DCC: variants seen among roughly 807,000 people sequenced by gnomAD.
DCC encodes the protein netrin receptor DCC.
DCC carries 58 observed loss-of-function variants against 172.5 expected under a neutral mutation model. The ratio of observed to expected loss-of-function variants is 0.34; its 90% CI spans 0.27 to 0.42. The LOEUF (loss-of-function observed/expected upper bound fraction) is 0.42. DCC is among the 10% of genes least tolerant of loss of function. DCC has a pLI of 1.00. For synonymous variants in DCC, 709 were observed against 644.5 expected (o/e 1.10, Z -1.52); for missense variants, 1,740 against 1,791.0 (o/e 0.97, Z 0.51).
chr18:52,904,792 A>C (rs1485409558), intron 2 of DCC, among the ~76,000 whole-genome samples: 1 of 152,202 alleles, frequency 6.6e-6, no homozygotes, highest in African/African-American at 2.4e-5. Context: ...CATAAAATTA[A>C]AACAATTCTG....
chr18:53,014,463 CG>C (rs2041778474), intron 5 of DCC, among the ~76,000 whole-genome samples: 1 of 111,902 alleles, frequency 8.9e-6, no homozygotes, highest in Admixed American at 1.3e-4. Flanking sequence ...CAACAGGCCC[CG>C]GTGTGTGATG....
intron 12 of DCC, among the ~76,000 whole-genome samples, chr18:53,226,948 A>ATATATATATATATATATTTT: frequency 3.8e-5 from 2 of 52,950 alleles, no homozygotes; most frequent in African/African-American, 1.9e-4. Flanking sequence ...ATATATATAT[A>ATATATATATATATATATTTT]TTTTTTTTTT....
chr18:52,879,450 G>A (rs1410434823), intron 2 of DCC, among the ~76,000 whole-genome samples: 1 of 38,672 alleles, frequency 2.6e-5, no homozygotes, highest in Non-Finnish European at 5.6e-5. Context: ...TTGAGATGGA[G>A]TTTCACTCTG....
At chr18:52,797,186 ATTG>A (rs1384213063) in intron 2 of DCC, among the ~76,000 whole-genome samples, 1 of 151,790 alleles carries the variant, frequency 6.6e-6, no homozygotes, top group African/African-American at 2.4e-5. Context: ...ATTTATTTGT[ATTG>A]TTGGTGTTTT....
At chr18:52,862,543 C>G (rs919050612) in intron 2 of DCC, among the ~76,000 whole-genome samples, 3 of 151,746 alleles carry the variant, frequency 2.0e-5, no homozygotes, top group Middle Eastern at 3.2e-3. Flanking sequence ...ACTAAAAATA[C>G]AAAAATTAGC....
At chr18:52,616,095 C>A (rs2034376476) in intron 1 of DCC, among the ~76,000 whole-genome samples, 1 of 152,104 alleles carries the variant, frequency 6.6e-6, no homozygotes, top group South Asian at 2.1e-4. Context: ...CTGTCAGAAT[C>A]AAGAAACTGA....
chr18:53,354,787 C>T (rs2057857868), intron 15 of DCC, among the ~76,000 whole-genome samples: 1 of 89,666 alleles, frequency 1.1e-5, no homozygotes, highest in Non-Finnish European at 2.5e-5. Flanking sequence ...TCAATTTTGG[C>T]TTTTGTTGCC....
chr18:52,576,151 A>G (rs2088040932), intron 1 of DCC, among the ~76,000 whole-genome samples: 2 of 152,230 alleles, frequency 1.3e-5, no homozygotes, highest in African/African-American at 4.8e-5. Context: ...GAAAAGAGAA[A>G]AGATACCGGA....
At chr18:53,280,053 A>G (rs914544058) in intron 12 of DCC, among the ~76,000 whole-genome samples, 1 of 152,118 alleles carries the variant, frequency 6.6e-6, no homozygotes, top group African/African-American at 2.4e-5. Context: ...ATTTACCTAT[A>G]TAACAAAACT....
chr18:53,154,033 C>A (rs958910696), intron 7 of DCC, among the ~76,000 whole-genome samples: 1 of 152,088 alleles, frequency 6.6e-6, no homozygotes, highest in East Asian at 1.9e-4. Flanking sequence ...AGCCTCTGCC[C>A]GAAGGTATTT....
chr18:52,730,592 G>A (rs901212693), intron 1 of DCC, among the ~76,000 whole-genome samples: 1 of 152,068 alleles, frequency 6.6e-6, no homozygotes, highest in Non-Finnish European at 1.5e-5. Context: ...TATAGTTAAC[G>A]ACTGGCACTG....
chr18:53,498,549 C>T (rs2046054610), intron 26 of DCC, among the ~76,000 whole-genome samples: 1 of 117,868 alleles, frequency 8.5e-6, no homozygotes, highest in South Asian at 2.9e-4. Flanking sequence ...TCTGTCTTAA[C>T]TGTGTTCTCT....
At chr18:52,523,193 G>A (rs568943684) in intron 1 of DCC, among the ~76,000 whole-genome samples, 19 of 152,104 alleles carry the variant, frequency 1.2e-4, no homozygotes, top group Admixed American at 2.0e-4. Flanking sequence ...CTACATGATT[G>A]CATCTCAACT....
At chr18:52,387,231 T>C (rs1489742014) in intron 1 of DCC, among the ~76,000 whole-genome samples, 1 of 152,200 alleles carries the variant, frequency 6.6e-6, no homozygotes, top group Non-Finnish European at 1.5e-5. Context: ...GGTATGGCTC[T>C]GCCCTCCAGC....
chr18:53,176,663 A>C (rs1274981424), intron 8 of DCC, among the ~76,000 whole-genome samples: 1 of 152,160 alleles, frequency 6.6e-6, no homozygotes, highest in Non-Finnish European at 1.5e-5. Flanking sequence ...GGCAATCACT[A>C]AAAAGTCAGG....
intron 1 of DCC, among the ~76,000 whole-genome samples, chr18:52,408,344 CTT>C (rs1568155714): frequency 6.6e-6 from 1 of 151,738 alleles, no homozygotes; most frequent in South Asian, 2.1e-4. Flanking sequence ...GGAGGAAAGT[CTT>C]TTTAAAAATT....
intron 2 of DCC, among the ~76,000 whole-genome samples, chr18:52,861,917 AAAATT>A (rs1251408655): frequency 6.6e-6 from 1 of 152,198 alleles, no homozygotes; most frequent in African/African-American, 2.4e-5. Context: ...AATTTTGAGA[AAAATT>A]AAAGCAATAA....
rs1907663427 is a variant in DCC, at chr18:53,380,765, C to A, written c.2360-5278C>A. 2.6e-5 allele frequency among the ~76,000 whole-genome samples: 4 copies of A among 152,098 alleles called. No homozygotes were observed. In the South Asian group the frequency reaches 8.3e-4, roughly 32 times the overall value. On this transcript the variant is annotated intron_variant, in intron 15 of 28. Transcript: ENST00000442544. ...TAACTGACGATAGGAAAACATTGAG[C>A]CAAAACATCTTCAGGACTCCTAGCT...
At chr18:52,838,584 C>A (rs2038753352) in intron 2 of DCC, among the ~76,000 whole-genome samples, 1 of 152,018 alleles carries the variant, frequency 6.6e-6, no homozygotes, top group Admixed American at 6.6e-5. Context: ...TTTAAATCAT[C>A]AAGTAATAAT....
Sources: gnomAD v4.1 joint callset for allele counts (sites outside exome capture counted in the v4.1 genomes callset) on GRCh38, gnomAD v4.1.1 for gene constraint, MANE v1.5 for transcripts, NCBI Gene and HGNC (gene_info 2026-07-23, HGNC 2026-07-21) for gene names.